Variants in BEND5 observed in about 807,000 individuals in gnomAD.
The protein encoded by BEND5 is BEN domain containing 5.
A neutral mutation model predicts 43.9 loss-of-function variants in BEND5; 22 were observed. That is an observed-to-expected ratio of 0.50 (90% CI 0.36 to 0.72). The LOEUF is 0.72. Among genes scored for constraint, BEND5 ranks in the 30% least tolerant of loss-of-function variants. The pLI, the probability that BEND5 is intolerant of heterozygous loss-of-function variation, is 0.00. For missense variants in BEND5, 428 were observed against 550.6 expected (o/e 0.78, Z 2.23); for synonymous variants, 228 against 225.9 (o/e 1.01, Z -0.08).
chr1:48,738,229 T>A (rs1035736249), intron 4 of BEND5, among the ~76,000 whole-genome samples: 2 of 152,202 alleles, frequency 1.3e-5, no homozygotes, highest in Non-Finnish European at 2.9e-5. Context: ...CACCCATGAA[T>A]GTAAGTCAAC....
At chr1:48,733,924 C>T (rs1300163274) in intron 5 of BEND5, among the ~76,000 whole-genome samples, 1 of 152,122 alleles carries the variant, frequency 6.6e-6, no homozygotes, top group South Asian at 2.1e-4. Flanking sequence ...CTGAAGGAGA[C>T]ACACAGCAGA....
At chr1:48,765,476 G>A (rs570225783) in intron 1 of BEND5, among the ~76,000 whole-genome samples, 1 of 152,306 alleles carries the variant, frequency 6.6e-6, no homozygotes, top group East Asian at 1.9e-4. Context: ...GGGTATTGTA[G>A]AATGGGCAGC....
chr1:48,749,793 C>T (rs1247289747), intron 3 of BEND5, among the ~76,000 whole-genome samples: 1 of 152,202 alleles, frequency 6.6e-6, no homozygotes, highest in African/African-American at 2.4e-5. Flanking sequence ...TCCTGCCCAA[C>T]TATCTGTGCC....
At chr1:48,749,276 G>A (rs1311071540) in intron 3 of BEND5, among the ~76,000 whole-genome samples, 1 of 152,096 alleles carries the variant, frequency 6.6e-6, no homozygotes, top group Non-Finnish European at 1.5e-5. Context: ...ACTGTCACGT[G>A]ATTGTTTGTT....
At position 48,776,701 on chromosome 1, in the gene BEND5, G is replaced by A. The variant is rs1280959005; in HGVS notation, c.131C>T (p.Pro44Leu). 2.6e-6 allele frequency: 4 copies of A among 1,518,410 alleles called. No individual in the cohort carries two copies. In the East Asian group the frequency reaches 1.1e-4, roughly 41 times the overall value. The allele number at this position is 1,518,410 out of a possible 1,614,324, so 94.1% of individuals were successfully genotyped here. ...CTCGGGCCCGGCGCCCAATTCCTCC[G>A]GGCCCCGGTACACGGCGTACACCTT... ...NQKVYAVYRG[P>L]EELGAGPESP... The change falls in exon 1 of 6, where the codon CCG becomes CTG. Residue 44 changes from proline (P) to leucine (L), a missense_variant. Coordinates refer to ENST00000371833, the MANE Select transcript of BEND5 (RefSeq NM_024603.4).
chr1:48,741,985 C>A (rs550231900), intron 4 of BEND5, among the ~76,000 whole-genome samples: 2 of 152,166 alleles, frequency 1.3e-5, no homozygotes, highest in Non-Finnish European at 2.9e-5. Context: ...TTTTCACGAG[C>A]GATTCCATTA....
At chr1:48,760,960 G>C (rs763655333) in intron 2 of BEND5, 35 of 167,342 alleles carry the variant, frequency 2.1e-4, no homozygotes, top group Non-Finnish European at 3.0e-4. Flanking sequence ...GCTATCTGGG[G>C]CACTCTGACA....
At chr1:48,762,463 T>G (rs1209697818) in intron 1 of BEND5, among the ~76,000 whole-genome samples, 4 of 152,218 alleles carry the variant, frequency 2.6e-5, no homozygotes, top group Non-Finnish European at 5.9e-5. Context: ...TACTTTGTGT[T>G]CAGGGCTTAA....
At chr1:48,740,235 C>T (rs193152536) in intron 4 of BEND5, among the ~76,000 whole-genome samples, 1 of 152,244 alleles carries the variant, frequency 6.6e-6, no homozygotes, top group Admixed American at 6.5e-5. Flanking sequence ...CTGAGGTTAG[C>T]AAGGCTCAAG....
At position 48,776,646 on chromosome 1, in the gene BEND5, G is replaced by T; in HGVS notation, c.186C>A (p.Gly62=). 6.7e-7 allele frequency: 1 copy of T among 1,484,862 alleles called. No individual in the cohort carries two copies. Among genetic ancestry groups the T allele is most frequent in the Non-Finnish European group, 8.9e-7 (1 of 1,121,774 alleles). 92.0% of individuals were successfully genotyped at this position (1,484,862 alleles called of 1,614,324 possible). The change falls in exon 1 of 6, where the codon GGC becomes GGA. Residue 62 remains glycine (G), a synonymous_variant. Transcript: ENST00000371833. ...TCTGGGCCTTGTGGAGCAACAGCGC[G>T]CCCCAGTCGCGGGGGGCGCGCGGGG... The part of the protein sequence containing the change: ...ESPPRAPRDW[G]ALLLHKAQIL...
intron 4 of BEND5, 41 bp downstream of exon 4, chr1:48,742,582 C>T (rs1321973668): frequency 6.8e-7 from 1 of 1,463,468 alleles, no homozygotes; most frequent in Non-Finnish European, 9.1e-7. Flanking sequence ...CTCTGACTAA[C>T]AAACACTTGC....
At chr1:48,744,936 G>A (rs911082268) in intron 3 of BEND5, among the ~76,000 whole-genome samples, 2 of 152,196 alleles carry the variant, frequency 1.3e-5, no homozygotes, top group Non-Finnish European at 2.9e-5. Flanking sequence ...CACCCAGTTA[G>A]ACTTTCGGAC....
intron 1 of BEND5, among the ~76,000 whole-genome samples, chr1:48,774,077 C>T (rs1328657419): frequency 6.6e-6 from 1 of 152,240 alleles, no homozygotes; most frequent in African/African-American, 2.4e-5. Context: ...CTCAGTATAG[C>T]AACATACTTC....
At chr1:48,761,786 C>A (rs949739641) in intron 1 of BEND5, among the ~76,000 whole-genome samples, 1 of 152,176 alleles carries the variant, frequency 6.6e-6, no homozygotes, top group Non-Finnish European at 1.5e-5. Flanking sequence ...TGAATTGGAA[C>A]AGCCCTTAGA....
intron 1 of BEND5, among the ~76,000 whole-genome samples, chr1:48,773,067 G>A (rs1014076409): frequency 7.2e-5 from 11 of 152,138 alleles, no homozygotes; most frequent in African/African-American, 2.7e-4. Flanking sequence ...TACCTGAGAT[G>A]CATAGGTGCA....
chr1:48,727,847 C>A lies in BEND5; in HGVS notation c.*39G>T. 1 of 1,569,526 alleles carries A rather than the reference C, an allele frequency of 6.4e-7. No homozygotes were observed. Among genetic ancestry groups the A allele is most frequent in the Non-Finnish European group, 8.7e-7 (1 of 1,147,414 alleles). On this transcript the variant is annotated 3_prime_UTR_variant, in exon 6 of 6. Coordinates refer to ENST00000371833, the MANE Select transcript of BEND5 (RefSeq NM_024603.4). ...ACCATCGCTCGCAAATCACATGCCA[C>A]ACAAGGAAAACACGAAAGCTTTATG... is the stretch of plus-strand genomic sequence containing the variant.
intron 3 of BEND5, among the ~76,000 whole-genome samples, chr1:48,755,260 G>A (rs550458937): frequency 2.1e-4 from 32 of 152,212 alleles, no homozygotes; most frequent in African/African-American, 7.2e-4. Context: ...AAGACCAGGC[G>A]GCTGCTCTCC....
intron 3 of BEND5, among the ~76,000 whole-genome samples, chr1:48,753,413 G>C (rs1424973233): frequency 6.6e-6 from 1 of 152,228 alleles, no homozygotes; most frequent in Non-Finnish European, 1.5e-5. Context: ...GAGAAAACCA[G>C]CAAGAAGCAT....
chr1:48,776,880 G>C lies in BEND5; in HGVS notation c.-49C>G. Reference sequence around the variant, plus strand: ...GGTCGGGCAGCTCAGCCCGCGGGGCGGGCGCGGAGGTGGGGATCCGGCGGG... The same window carrying C: ...GGTCGGGCAGCTCAGCCCGCGGGGCCGGCGCGGAGGTGGGGATCCGGCGGG... On this transcript the variant is annotated 5_prime_UTR_variant, in exon 1 of 6. Coordinates refer to ENST00000371833, the MANE Select transcript of BEND5 (RefSeq NM_024603.4). 1 of 1,327,760 alleles carries C rather than the reference G, an allele frequency of 7.5e-7. No homozygotes were observed. The highest frequency in any genetic ancestry group is 3.1e-5 in the East Asian group (1 of 32,472). 82.2% of individuals were successfully genotyped at this position (1,327,760 alleles called of 1,614,324 possible). A position where few individuals can be genotyped will look rare whatever the true frequency, so the allele number is the denominator to read the frequency against.
Sources: allele counts gnomAD v4.1 joint callset (sites outside exome capture counted in the v4.1 genomes callset), GRCh38; gene constraint gnomAD v4.1.1; transcripts MANE v1.5; gene names NCBI Gene and HGNC (gene_info 2026-07-23, HGNC 2026-07-21).